Variants in DMD observed in about 807,000 individuals in gnomAD.
The protein encoded by DMD is dystrophin, also known as mutant dystrophin.
DMD carries 63 observed loss-of-function variants against 330.1 expected under a neutral mutation model. The observed-to-expected ratio is 0.19, with a 90% CI of 0.16 to 0.24. DMD has a LOEUF of 0.24. Ranked by LOEUF, DMD falls within the 10% of genes least tolerant of loss-of-function variation. DMD has a pLI of 1.00. For synonymous variants in DMD, 1,223 were observed against 959.8 expected, an observed-to-expected ratio of 1.27 and a Z score of -5.07; for missense variants, 3,344 against 2,684.1, an observed-to-expected ratio of 1.25 and a Z score of -5.43.
chrX:31,150,728 C>G (rs1405523518), intron 74 of DMD, among the ~76,000 whole-genome samples: 1 of 112,118 alleles, frequency 8.9e-6, no homozygotes, highest in Non-Finnish European at 1.9e-5. Flanking sequence ...TTGTCCCATA[C>G]TCGGAATGAA....
intron 2 of DMD, among the ~76,000 whole-genome samples, chrX:32,855,675 CAA>C (rs1487337984): frequency 8.9e-6 from 1 of 111,956 alleles, no homozygotes; most frequent in East Asian, 2.8e-4. Context: ...CTAAGTGGAA[CAA>C]AGACTTAAAT....
intron 37 of DMD, among the ~76,000 whole-genome samples, chrX:32,362,450 T>C (rs1458412012): frequency 9.0e-6 from 1 of 111,624 alleles, no homozygotes; most frequent in Non-Finnish European, 1.9e-5. Flanking sequence ...TTTTATTTAT[T>C]TTTTTGGCCT....
chrX:32,609,915 C>G (rs5928046), intron 12 of DMD, among the ~76,000 whole-genome samples: 5,307 of 110,998 alleles, frequency 0.048, 118 homozygotes, highest in Middle Eastern at 0.083. Flanking sequence ...CTAGTAAACT[C>G]AGCTTTAAAC....
Position 31,250,695 on chromosome X carries a change from T to C in DMD, c.9286+10260A>G, listed in dbSNP as rs751235157. 3.6e-5 allele frequency among the ~76,000 whole-genome samples: 4 copies of C among 111,656 alleles called. No homozygotes were observed. The East Asian group carries it at 1.1e-3, about 31-fold the overall frequency. On this transcript the variant is annotated intron_variant, in intron 63 of 78. Transcript: ENST00000357033. ...GCAGGGTACAGACGAGGTCAAGTGT[T>C]GTTGAACTTGACTGTTGAGTTACAT... is the stretch of plus-strand genomic sequence containing the variant.
chrX:31,530,647 C>CTTTTTTTTTTTTTTTTTTTTTTTTTT (rs1192286078), intron 55 of DMD, among the ~76,000 whole-genome samples: 2 of 49,845 alleles, frequency 4.0e-5, no homozygotes, highest in African/African-American at 7.8e-5. Flanking sequence ...ACTGGTTTCT[C>CTTTTTTTTTTTTTTTTTTTTTTTTTT]TTTTTTTTTT....
intron 9 of DMD, among the ~76,000 whole-genome samples, chrX:32,673,808 C>T (rs1300153090): frequency 1.8e-5 from 2 of 112,088 alleles, no homozygotes; most frequent in African/African-American, 6.5e-5. Context: ...AGCACAGAGG[C>T]CTCTTAAAGA....
In DMD at chrX:31,767,643, G is replaced by T. The variant is rs768117758; in HGVS notation, c.7542+6317C>A. Among the ~76,000 whole-genome samples, 292 of 111,670 alleles carry T rather than the reference G, an allele frequency of 2.6e-3. 4 individuals carry two copies. Among genetic ancestry groups the T allele is most frequent in the Middle Eastern group, 4.7e-3 (1 of 214 alleles). On this transcript the variant is annotated intron_variant, in intron 51 of 78. Transcript: ENST00000357033. The stretch of plus-strand genomic sequence containing the variant: ...ATAAAACCAAGAAACATTCTGTTTT[G>T]TATTGCTTTTAGTTTAAATAGCCAA...
At chrX:32,763,547 TACAGTA>T (rs2072591996) in intron 7 of DMD, among the ~76,000 whole-genome samples, 1 of 111,485 alleles carries the variant, frequency 9.0e-6, no homozygotes, top group South Asian at 3.7e-4. Flanking sequence ...TACTTGTCAG[TACAGTA>T]ACAACTCATC....
chrX:33,235,253 A>G (rs1368549371), intron 1 of DMD, among the ~76,000 whole-genome samples: 3 of 111,641 alleles, frequency 2.7e-5, no homozygotes, highest in East Asian at 2.8e-4. Context: ...ACTCTTTCCT[A>G]TTGAAGGCTA....
intron 72 of DMD, among the ~76,000 whole-genome samples, chrX:31,173,175 T>C (rs1481612032): frequency 9.0e-6 from 1 of 111,676 alleles, no homozygotes; most frequent in Non-Finnish European, 1.9e-5. Flanking sequence ...GCTGATGCTT[T>C]CATATTCTCC....
At chrX:31,908,936 G>A (rs1458602505) in intron 47 of DMD, among the ~76,000 whole-genome samples, 1 of 111,822 alleles carries the variant, frequency 8.9e-6, no homozygotes, top group Admixed American at 9.5e-5. Flanking sequence ...TATAAAAATG[G>A]TAAGTGCTAA....
intron 1 of DMD, among the ~76,000 whole-genome samples, chrX:33,331,632 A>G (rs778657965): frequency 9.0e-6 from 1 of 111,549 alleles, no homozygotes; most frequent in Non-Finnish European, 1.9e-5. Context: ...TTCTTCTGGA[A>G]ATTTGATAAG....
chrX:32,883,823 CAAA>C (rs56150142), intron 2 of DMD, among the ~76,000 whole-genome samples: 39 of 30,323 alleles, frequency 1.3e-3, no homozygotes, highest in African/African-American at 5.5e-3. Flanking sequence ...GACTCTGTTT[CAAA>C]AAAAAAAAAA....
intron 12 of DMD, among the ~76,000 whole-genome samples, chrX:32,599,221 T>C (rs1394015896): frequency 9.0e-6 from 1 of 111,722 alleles, no homozygotes; most frequent in Non-Finnish European, 1.9e-5. Flanking sequence ...ATCTCCTTAA[T>C]ATCAGCAAAA....
intron 61 of DMD, among the ~76,000 whole-genome samples, chrX:31,323,859 A>T (rs1311755317): frequency 3.6e-5 from 4 of 110,742 alleles, no homozygotes; most frequent in African/African-American, 6.6e-5. Context: ...TCAGGCACAA[A>T]GATAAATGCG....
At chrX:33,328,516 A>G (rs1204812401) in intron 1 of DMD, among the ~76,000 whole-genome samples, 11 of 111,304 alleles carry the variant, frequency 9.9e-5, no homozygotes, top group African/African-American at 2.9e-4. Context: ...TAAATATTGC[A>G]TGGCCATGCT....
At chrX:33,215,422 T>C (rs763347509), upstream of DMD, among the ~76,000 whole-genome samples, 2 of 111,810 alleles carry the variant, frequency 1.8e-5, no homozygotes, top group African/African-American at 6.5e-5. Flanking sequence ...AGATTCTGGA[T>C]ACTAGGCCTT....
At chrX:32,731,779 G>T (rs961202495) in intron 7 of DMD, among the ~76,000 whole-genome samples, 1 of 112,162 alleles carries the variant, frequency 8.9e-6, no homozygotes, top group Admixed American at 9.4e-5. Context: ...CATCATCAAA[G>T]TCCAAAAGTA....
chrX:33,164,519 A>G (rs2048958545), intron 1 of DMD, among the ~76,000 whole-genome samples: 1 of 112,144 alleles, frequency 8.9e-6, no homozygotes, highest in South Asian at 3.7e-4. Context: ...CTTACTTTCT[A>G]AAAGCAGATA....
Sources: gnomAD v4.1 joint callset for allele counts (sites outside exome capture counted in the v4.1 genomes callset) on GRCh38, gnomAD v4.1.1 for gene constraint, MANE v1.5 for transcripts, NCBI Gene and HGNC (gene_info 2026-07-23, HGNC 2026-07-21) for gene names.